Variants in TM6SF1 observed in about 807,000 individuals in gnomAD.
TM6SF1 encodes transmembrane 6 superfamily member 1.
TM6SF1 carries 43 observed loss-of-function variants against 47.1 expected under a neutral mutation model. That is an observed-to-expected ratio of 0.91 (90% CI 0.72 to 1.18). The LOEUF is 1.18. Among genes scored for constraint, TM6SF1 ranks in the 50% most tolerant of loss-of-function variants. TM6SF1 has a pLI of 0.00. For missense variants in TM6SF1, 390 were observed against 449.0 expected, an observed-to-expected ratio of 0.87 and a Z score of 1.19; for synonymous variants, 177 against 166.3, an observed-to-expected ratio of 1.06 and a Z score of -0.49.
chr15:83,114,895 G>A (rs547543011), intron 2 of TM6SF1: 2 of 152,304 alleles, frequency 1.3e-5, no homozygotes, highest in Non-Finnish European at 2.9e-5. Flanking sequence ...CACAACTCTG[G>A]TAAGATTCTC....
intron 1 of TM6SF1, chr15:83,108,033 G>T (rs2033823919): frequency 3.1e-6 from 2 of 636,730 alleles, no homozygotes; most frequent in Non-Finnish European, 4.5e-6. Context: ...AGGTGCCCGG[G>T]GTCACAGGCG....
chr15:83,127,272 A>G, intron 8 of TM6SF1, 86 bp from the exon 9 acceptor site: 1 of 1,317,368 alleles, frequency 7.6e-7, no homozygotes, highest in South Asian at 1.7e-5. Context: ...ATTTTCAAAG[A>G]TGAAAATGTT....
Position 83,113,108 on chromosome 15 carries a change from G to A in TM6SF1, c.196+208G>A, listed in dbSNP as rs74735964. Reference sequence around the variant, plus strand: ...TCCACCCTCTCCCAGGTGGCATCCCGGTGGAGAGTTACTGCCAGGCCAGGC... The same window carrying A: ...TCCACCCTCTCCCAGGTGGCATCCCAGTGGAGAGTTACTGCCAGGCCAGGC... On this transcript the variant is annotated intron_variant, in intron 2 of 9. Coordinates refer to ENST00000322019, the MANE Select transcript of TM6SF1 (RefSeq NM_023003.5). The A allele has an allele frequency of 7.0e-3, 4,061 of 583,566 alleles. 127 individuals are homozygous for A. Among genetic ancestry groups the A allele is most frequent in the African/African-American group, 0.068 (3,665 of 53,576 alleles). 36.1% of individuals were successfully genotyped at this position (583,566 alleles called of 1,614,324 possible). A position where few individuals can be genotyped will look rare whatever the true frequency, so the allele number is the denominator to read the frequency against.
At chr15:83,120,877 T>C (rs914885402) in intron 4 of TM6SF1, among the ~76,000 whole-genome samples, 1 of 151,432 alleles carries the variant, frequency 6.6e-6, no homozygotes, top group Non-Finnish European at 1.5e-5. Context: ...CAGCTCATTC[T>C]TATCTGTTCT....
intron 9 of TM6SF1, 46 bp from the exon 10 acceptor site, chr15:83,136,435 G>A (rs1252437788): frequency 6.6e-7 from 1 of 1,514,618 alleles, no homozygotes; most frequent in Non-Finnish European, 8.9e-7. Context: ...GCATCCAACT[G>A]AACACGTTTC....
At chr15:83,120,347 T>G (rs2035104755) in intron 4 of TM6SF1, among the ~76,000 whole-genome samples, 1 of 152,222 alleles carries the variant, frequency 6.6e-6, no homozygotes, top group South Asian at 2.1e-4. Context: ...TTGGGCTGAA[T>G]TTCTGCCCAT....
At chr15:83,116,755 G>A (rs927136617) in intron 3 of TM6SF1, among the ~76,000 whole-genome samples, 1 of 152,194 alleles carries the variant, frequency 6.6e-6, no homozygotes, top group African/African-American at 2.4e-5. Flanking sequence ...AGTAGAGAGA[G>A]GGATGAACTT....
intron 9 of TM6SF1, 77 bp downstream of exon 9, chr15:83,127,554 C>A: frequency 6.5e-7 from 1 of 1,545,196 alleles, no homozygotes; most frequent in Non-Finnish European, 8.9e-7. Flanking sequence ...AACTTCTCTG[C>A]TCAGTGTTTT....
intron 1 of TM6SF1, among the ~76,000 whole-genome samples, chr15:83,112,059 G>A (rs904047545): frequency 5.3e-5 from 8 of 152,092 alleles, no homozygotes; most frequent in Admixed American, 1.3e-4. Flanking sequence ...GTGCCCTATC[G>A]CTGCCCCACT....
At chr15:83,124,609 T>A in intron 6 of TM6SF1, 63 bp from the exon 7 acceptor site, 2 of 1,256,772 alleles carry the variant, frequency 1.6e-6, no homozygotes. Context: ...CATTTAATGT[T>A]TCAGATTTCA....
intron 3 of TM6SF1, among the ~76,000 whole-genome samples, chr15:83,118,871 C>T (rs764725715): frequency 6.6e-6 from 1 of 152,090 alleles, no homozygotes; most frequent in Non-Finnish European, 1.5e-5. Context: ...AAATGTAGTT[C>T]GTCATATAAT....
At chr15:83,113,016 G>GC (rs1362808779) in intron 2 of TM6SF1, 116 bp downstream of exon 2, 2 of 859,634 alleles carry the variant, frequency 2.3e-6, no homozygotes, top group South Asian at 1.5e-5. Context: ...AACAGTGGCT[G>GC]CAAGTGTAGG....
intron 1 of TM6SF1, among the ~76,000 whole-genome samples, chr15:83,111,350 CA>C (rs1240450143): frequency 2.6e-5 from 4 of 151,904 alleles, no homozygotes; most frequent in Non-Finnish European, 4.4e-5. Flanking sequence ...CATCATCCAT[CA>C]ATTCATCCAT....
intron 9 of TM6SF1, chr15:83,131,262 G>A (rs1160389091): frequency 1.3e-5 from 2 of 151,740 alleles, no homozygotes; most frequent in East Asian, 3.9e-4. Context: ...AAACTCTCAA[G>A]AATCTATGCA....
Position 83,107,790 on chromosome 15 carries a change from G to T in TM6SF1, c.92+18G>T. The T allele has an allele frequency of 1.9e-6, 3 of 1,567,500 alleles. No homozygotes were observed. In the African/African-American group the frequency reaches 4.2e-5, roughly 22 times the overall value. On this transcript the variant is annotated intron_variant, in intron 1 of 9. Transcript: ENST00000322019. This position sits in a 1 kb window ranked among gnomAD's most constrained non-coding sequence, Gnocchi z 5.6. The stretch of plus-strand genomic sequence containing the variant: ...CAGCATGAGTGAGTGAGCCGGCGCG[G>T]CGGGGGTCGCGCCGAGGGGCGGCGG...
intron 1 of TM6SF1, among the ~76,000 whole-genome samples, chr15:83,112,587 C>T (rs1424249602): frequency 3.3e-5 from 5 of 152,148 alleles, no homozygotes; most frequent in East Asian, 1.9e-4. Flanking sequence ...CTGATGGCTT[C>T]GGTCCCTGAA....
intron 8 of TM6SF1, 99 bp from the exon 9 acceptor site, chr15:83,127,259 A>G: frequency 7.8e-7 from 1 of 1,279,810 alleles, no homozygotes; most frequent in Middle Eastern, 2.3e-4. Context: ...AATAGGAATT[A>G]ATATTTTCAA....
At chr15:83,114,051 C>G (rs1190071512) in intron 2 of TM6SF1, 1 of 152,312 alleles carries the variant, frequency 6.6e-6, no homozygotes. Flanking sequence ...ATTAGATGAG[C>G]TGGGTCCGTC....
chr15:83,127,408 T>C lies in TM6SF1; in HGVS notation c.852T>C (p.Tyr284=), dbSNP rs769557782. 3 of 1,614,100 alleles carry C rather than the reference T, an allele frequency of 1.9e-6. No homozygotes were observed. In the South Asian group the frequency reaches 3.3e-5, roughly 18 times the overall value. ...YSVPYFVTAL[Y]GLVVPGCSWM... ...TTCCTTACTTTGTGACTGCACTGTA[T>C]GGCTTAGTGGTTCCTGGATGTTCCT... Residue 284 remains tyrosine, a synonymous_variant, in exon 9 of 10, where the codon TAT becomes TAC. Transcript: ENST00000322019.
Sources: allele counts gnomAD v4.1 joint callset (sites outside exome capture counted in the v4.1 genomes callset), GRCh38; gene constraint gnomAD v4.1.1; non-coding constraint Gnocchi (gnomAD v3.1); transcripts MANE v1.5; gene names NCBI Gene and HGNC (gene_info 2026-07-23, HGNC 2026-07-21).